The following STAB2 variants were observed in gnomAD, a reference collection of about 807,000 sequenced individuals.
The protein encoded by STAB2 is stabilin-2.
In STAB2, 288 loss-of-function variants were observed where a neutral mutation model predicts 338.1. The observed-to-expected ratio is 0.85, with a 90% CI of 0.77 to 0.94. The LOEUF is 0.94. Ranked by LOEUF, STAB2 falls within the 40% of genes least tolerant of loss-of-function variation. STAB2 has a pLI of 0.00. For missense variants in STAB2, 3,141 were observed against 3,210.1 expected, an observed-to-expected ratio of 0.98 and a Z score of 0.52; for synonymous variants, 1,202 against 1,193.3, an observed-to-expected ratio of 1.01 and a Z score of -0.15.
At chr12:103,601,350 G>C (rs776155755) in intron 3 of STAB2, among the ~76,000 whole-genome samples, 1 of 152,246 alleles carries the variant, frequency 6.6e-6, no homozygotes, top group Non-Finnish European at 1.5e-5. Flanking sequence ...CCAGCACTTT[G>C]GGAGGCCAAG....
chr12:103,601,603 A>C (rs893529666), intron 3 of STAB2, among the ~76,000 whole-genome samples: 1 of 152,198 alleles, frequency 6.6e-6, no homozygotes, highest in Non-Finnish European at 1.5e-5. Context: ...AAAAGAAAAG[A>C]AAAAGAAACC....
intron 56 of STAB2, 46 bp downstream of exon 56, chr12:103,742,600 G>C: frequency 6.2e-7 from 1 of 1,611,020 alleles, no homozygotes; most frequent in Non-Finnish European, 8.5e-7. Context: ...TTTTGACTGT[G>C]TGCTCCCTGT....
intron 53 of STAB2, among the ~76,000 whole-genome samples, chr12:103,738,794 A>T (rs765369025): frequency 2.7e-4 from 41 of 152,366 alleles, no homozygotes; most frequent in Non-Finnish European, 4.9e-4. Context: ...TTAAAATGGA[A>T]CTAACACTTG....
chr12:103,675,533 T>C (rs2138836663), intron 23 of STAB2, among the ~76,000 whole-genome samples: 2 of 152,334 alleles, frequency 1.3e-5, no homozygotes, highest in Middle Eastern at 6.8e-3. Flanking sequence ...AAAAGGCAGG[T>C]TCTGGTAAAA....
intron 59 of STAB2, 79 bp from the exon 60 acceptor site, chr12:103,750,500 C>T (rs2139178709): frequency 1.3e-6 from 2 of 1,572,098 alleles, no homozygotes; most frequent in Middle Eastern, 1.7e-4. Context: ...CTAGGCTGGA[C>T]ATTGGTCCCA....
chr12:103,715,955 C>T (rs1880277407), intron 43 of STAB2, 67 bp downstream of exon 43: 1 of 1,524,560 alleles, frequency 6.6e-7, no homozygotes, highest in Admixed American at 1.8e-5. Context: ...TAGACACAGG[C>T]CTGAGAGAAA....
intron 12 of STAB2, among the ~76,000 whole-genome samples, chr12:103,653,515 G>A (rs1873898115): frequency 6.6e-6 from 1 of 151,782 alleles, no homozygotes. Context: ...CAGTGCATGT[G>A]TGAAGATGGA....
chr12:103,756,423 A>C (rs968748156), intron 63 of STAB2, among the ~76,000 whole-genome samples: 2 of 152,210 alleles, frequency 1.3e-5, no homozygotes, highest in Non-Finnish European at 2.9e-5. Flanking sequence ...CTTTGCCTTG[A>C]CCACCATTGT....
At chr12:103,729,235 A>G (rs1283299658) in intron 48 of STAB2, among the ~76,000 whole-genome samples, 1 of 152,198 alleles carries the variant, frequency 6.6e-6, no homozygotes, top group Non-Finnish European at 1.5e-5. Flanking sequence ...GATCATGAAA[A>G]ATAACTAATA....
chr12:103,755,130 A>G, intron 61 of STAB2, 172 bp from the exon 62 acceptor site: 2 of 834,142 alleles, frequency 2.4e-6, no homozygotes. Context: ...CAGTGGCTCA[A>G]TCAATCAGTC....
At chr12:103,639,519 A>G (rs1957604153) in intron 8 of STAB2, among the ~76,000 whole-genome samples, 1 of 152,102 alleles carries the variant, frequency 6.6e-6, no homozygotes, top group South Asian at 2.1e-4. Context: ...CCTGGGCAAC[A>G]TAGCGAAACC....
At chr12:103,617,583 T>C (rs1185545382) in intron 3 of STAB2, among the ~76,000 whole-genome samples, 1 of 152,204 alleles carries the variant, frequency 6.6e-6, no homozygotes, top group African/African-American at 2.4e-5. Flanking sequence ...CCCAGAACAT[T>C]CTGACTGCAA....
intron 31 of STAB2, among the ~76,000 whole-genome samples, chr12:103,694,152 G>T (rs1878200276): frequency 6.6e-6 from 1 of 152,168 alleles, no homozygotes; most frequent in African/African-American, 2.4e-5. Flanking sequence ...TGCCTGGCCA[G>T]AGTGGAGGCT....
chr12:103,716,566 G>C (rs991535387), intron 43 of STAB2, among the ~76,000 whole-genome samples: 15 of 152,160 alleles, frequency 9.9e-5, no homozygotes, highest in African/African-American at 3.6e-4. Flanking sequence ...GAGCCATCTG[G>C]AGACCTCAGT....
rs370338110 is a variant in STAB2, at chr12:103,637,105, A to T, written c.584-6A>T. ...ATGCAAGTACTTCAACAATTTTCCT[A>T]TGCAGCCATCCCTGAATGTGCAGCC... is the stretch of plus-strand genomic sequence containing the variant. On this transcript the variant is annotated splice_region_variant and splice_polypyrimidine_tract_variant and intron_variant, in intron 6 of 68. Transcript: ENST00000388887. 1.9e-6 allele frequency: 3 copies of T among 1,596,482 alleles called. No individual in the cohort carries two copies. The highest frequency in any genetic ancestry group is 2.3e-5 in the South Asian group (2 of 87,462).
At chr12:103,649,791 C>T (rs552419467) in intron 10 of STAB2, among the ~76,000 whole-genome samples, 1 of 152,316 alleles carries the variant, frequency 6.6e-6, no homozygotes. Flanking sequence ...CACAGCCTTA[C>T]TCTAAGAACT....
chr12:103,683,344 A>C (rs979905217), intron 26 of STAB2, 44 bp downstream of exon 26: 10 of 1,516,438 alleles, frequency 6.6e-6, no homozygotes, highest in Non-Finnish European at 9.0e-6. Context: ...AAAAAAAAAA[A>C]AAACAATGCT....
At chr12:103,711,554 G>A in intron 40 of STAB2, 38 bp downstream of exon 40, 1 of 1,611,554 alleles carries the variant, frequency 6.2e-7, no homozygotes, top group Non-Finnish European at 8.5e-7. Flanking sequence ...ACAGTGTAAA[G>A]GGGATTTTTT....
intron 22 of STAB2, among the ~76,000 whole-genome samples, chr12:103,673,598 G>T (rs956354428): frequency 6.6e-6 from 1 of 152,094 alleles, no homozygotes; most frequent in African/African-American, 2.4e-5. Context: ...ATCCTCCCAC[G>T]TCAGCTTCCC....
Sources: allele counts gnomAD v4.1 joint callset (sites outside exome capture counted in the v4.1 genomes callset), GRCh38; gene constraint gnomAD v4.1.1; transcripts MANE v1.5; gene names NCBI Gene and HGNC (gene_info 2026-07-23, HGNC 2026-07-21).